The following FAM114A1 variants were observed in gnomAD, a reference collection of about 807,000 sequenced individuals.
FAM114A1 encodes family with sequence similarity 114 member A1.
A neutral mutation model predicts 64.3 loss-of-function variants in FAM114A1; 62 were observed. That is an observed-to-expected ratio of 0.96 (90% CI 0.79 to 1.19). The LOEUF (loss-of-function observed/expected upper bound fraction) is 1.19. Ranked by LOEUF, FAM114A1 falls within the 50% of genes most tolerant of loss-of-function variation. FAM114A1 has a pLI of 0.00. For missense variants in FAM114A1, 645 were observed against 676.3 expected, an observed-to-expected ratio of 0.95 and a Z score of 0.51; for synonymous variants, 254 against 251.1, an observed-to-expected ratio of 1.01 and a Z score of -0.11.
chr4:38,897,853 G>A (rs6843572), intron 4 of FAM114A1, among the ~76,000 whole-genome samples: 37,303 of 151,152 alleles, frequency 0.25, 5,111 homozygotes, highest in Non-Finnish European at 0.28. Context: ...GGCTGCGACA[G>A]AAGAATCGCT....
At chr4:38,891,299 G>A (rs1716354429) in intron 3 of FAM114A1, among the ~76,000 whole-genome samples, 1 of 152,142 alleles carries the variant, frequency 6.6e-6, no homozygotes, top group Non-Finnish European at 1.5e-5. Context: ...CCATGCCAAA[G>A]CACCTGCCTA....
intron 3 of FAM114A1, among the ~76,000 whole-genome samples, chr4:38,890,459 C>A (rs1716244668): frequency 6.6e-6 from 1 of 151,382 alleles, no homozygotes; most frequent in Non-Finnish European, 1.5e-5. Flanking sequence ...GACTAATGGA[C>A]CAGCTGTGAG....
chr4:38,942,482 A>T (rs974765788), intron 14 of FAM114A1, among the ~76,000 whole-genome samples: 1 of 152,204 alleles, frequency 6.6e-6, no homozygotes, highest in Non-Finnish European at 1.5e-5. Flanking sequence ...TCCCCTGGCC[A>T]CCCAGAAGGC....
At chr4:38,941,429 C>T (rs1721571527) in intron 14 of FAM114A1, among the ~76,000 whole-genome samples, 1 of 152,126 alleles carries the variant, frequency 6.6e-6, no homozygotes, top group Non-Finnish European at 1.5e-5. Context: ...GGTCTAATGT[C>T]CAAGCTGGCA....
chr4:38,929,759 A>G (rs557366773), intron 10 of FAM114A1, among the ~76,000 whole-genome samples: 1 of 152,352 alleles, frequency 6.6e-6, no homozygotes, highest in South Asian at 2.1e-4. Context: ...CCTAGGTGAC[A>G]GAGTGAGACT....
chr4:38,935,257 T>C (rs1222704129), intron 12 of FAM114A1, among the ~76,000 whole-genome samples: 6 of 152,104 alleles, frequency 3.9e-5, no homozygotes, highest in Non-Finnish European at 8.8e-5. Flanking sequence ...CTATATAAAA[T>C]GGAAATAATA....
At chr4:38,908,774 A>G (rs1302762886) in intron 7 of FAM114A1, 48 bp downstream of exon 7, 2 of 1,470,394 alleles carry the variant, frequency 1.4e-6, no homozygotes, top group African/African-American at 2.8e-5. Flanking sequence ...AATAAAGTAA[A>G]TAAATTTTTT....
chr4:38,925,930 C>T (rs1720054277), intron 9 of FAM114A1, among the ~76,000 whole-genome samples: 1 of 152,030 alleles, frequency 6.6e-6, no homozygotes, highest in African/African-American at 2.4e-5. Context: ...AATTAATACA[C>T]CTTTAAAAGC....
rs13809 is a variant in FAM114A1, at chr4:38,945,393, G to A, written c.*1836G>A. 20,352 of 152,164 alleles carry A rather than the reference G, an allele frequency of 0.13. 1,930 individuals carry two copies. Among genetic ancestry groups the A allele is most frequent in the Non-Finnish European group, 0.18 (12,182 of 67,982 alleles). The allele number at this position is 152,164 out of a possible 1,614,324, so 9.4% of individuals were successfully genotyped here. The stretch of plus-strand genomic sequence containing the variant: ...ACGCCTTCATTGCAGCTGCATGTTC[G>A]ATACAATACACCTGCTTCACAGCCC... On this transcript the variant is annotated 3_prime_UTR_variant, in exon 15 of 15. Coordinates refer to ENST00000358869, the MANE Select transcript of FAM114A1 (RefSeq NM_138389.4).
chr4:38,905,532 G>T lies in FAM114A1; in HGVS notation c.447G>T (p.Leu149Phe). The change falls in exon 5 of 15, where the codon TTG (leucine) becomes TTT (phenylalanine). Residue 149 changes from leucine (L) to phenylalanine (F), a missense_variant. By Grantham distance (22) the Leu-to-Phe change is conservative. Transcript: ENST00000358869. The part of the protein sequence containing the change: ...SSASATVGHG[L>F]TAVKEKAGAT... ...TTTTATTTCCAACAGGTCATGGATT[G>T]ACGGCAGTCAAGGAAAAAGCAGGAG... 1 of 1,613,762 alleles carries T rather than the reference G, an allele frequency of 6.2e-7. No individual in the cohort carries two copies. Among genetic ancestry groups the T allele is most frequent in the South Asian group, 1.1e-5 (1 of 91,052 alleles).
intron 7 of FAM114A1, among the ~76,000 whole-genome samples, chr4:38,913,427 C>T (rs1718747774): frequency 6.6e-6 from 1 of 152,144 alleles, no homozygotes; most frequent in African/African-American, 2.4e-5. Flanking sequence ...GAGACCAAGT[C>T]TCACTCTGTT....
At chr4:38,876,312 G>A (rs755664600) in intron 2 of FAM114A1, among the ~76,000 whole-genome samples, 20 of 151,562 alleles carry the variant, frequency 1.3e-4, no homozygotes, top group Non-Finnish European at 2.9e-4. Flanking sequence ...TGGGACTACA[G>A]GTGCATGCCA....
rs1183336699 is a variant in FAM114A1 at position 38,869,719 on chromosome 4, G to GT, written c.-9+1185dup. ...TCCTTCGCTGACTGGCACTGTTTTT[G>GT]TTTTTTTTTTTTAACTGGGGGAGAT... On this transcript the variant is annotated intron_variant, in intron 2 of 14. Transcript: ENST00000358869. Among the ~76,000 whole-genome samples, 1,220 of 141,228 alleles carry GT rather than the reference G, an allele frequency of 8.6e-3. 11 individuals are homozygous for GT. Among genetic ancestry groups the GT allele is most frequent in the South Asian group, 0.026 (117 of 4,426 alleles). 92.7% of individuals were successfully genotyped at this position (141,228 alleles called of 152,430 possible).
At chr4:38,941,069 A>G (rs938120674) in intron 14 of FAM114A1, 48 bp downstream of exon 14, 14 of 1,511,086 alleles carry the variant, frequency 9.3e-6, no homozygotes, top group Non-Finnish European at 1.2e-5. Context: ...AGTAAATGTT[A>G]GAACTACTTT....
intron 10 of FAM114A1, 130 bp from the exon 11 acceptor site, chr4:38,931,321 C>T (rs932545613): frequency 1.0e-5 from 11 of 1,100,176 alleles, no homozygotes; most frequent in South Asian, 4.4e-5. Context: ...AAAATTGCCC[C>T]GTCATCCTCC....
chr4:38,923,732 C>G (rs1719851177), intron 9 of FAM114A1, among the ~76,000 whole-genome samples: 1 of 152,096 alleles, frequency 6.6e-6, no homozygotes, highest in African/African-American at 2.4e-5. Context: ...TGACAGTGCA[C>G]CAGGGCATGC....
At chr4:38,903,692 G>A (rs1388117218) in intron 4 of FAM114A1, among the ~76,000 whole-genome samples, 1 of 152,070 alleles carries the variant, frequency 6.6e-6, no homozygotes, top group African/African-American at 2.4e-5. Flanking sequence ...TTCATTGGAC[G>A]CTAGAGATAA....
intron 4 of FAM114A1, among the ~76,000 whole-genome samples, chr4:38,902,855 A>T (rs974879089): frequency 6.6e-6 from 1 of 152,180 alleles, no homozygotes; most frequent in Admixed American, 6.5e-5. Context: ...TCAAAAGGCA[A>T]CAGTGACTTC....
At chr4:38,903,349 A>G (rs780420642) in intron 4 of FAM114A1, among the ~76,000 whole-genome samples, 48 of 152,230 alleles carry the variant, frequency 3.2e-4, no homozygotes, top group Non-Finnish European at 8.8e-5. Flanking sequence ...AGGTGAAAGA[A>G]GAGATACTGA....
Sources: allele counts gnomAD v4.1 joint callset (sites outside exome capture counted in the v4.1 genomes callset), GRCh38; gene constraint gnomAD v4.1.1; transcripts MANE v1.5; gene names NCBI Gene and HGNC (gene_info 2026-07-23, HGNC 2026-07-21).